The following POGLUT1 variants were observed in gnomAD, a reference collection of about 807,000 sequenced individuals.
The protein encoded by POGLUT1 is protein O-glucosyltransferase 1.
In POGLUT1, 32 loss-of-function variants were observed where a neutral mutation model predicts 61.3. That is an observed-to-expected ratio of 0.52 (90% CI 0.39 to 0.70). POGLUT1 has a LOEUF of 0.70. POGLUT1 is among the 30% of genes least tolerant of loss of function. The probability of loss-of-function intolerance (pLI) is 0.00; values close to 1 mark genes in which losing one functional copy is unlikely to be tolerated. For synonymous variants in POGLUT1, 158 were observed against 158.2 expected (o/e 1.00, Z 0.01); for missense variants, 411 against 469.8 (o/e 0.87, Z 1.16).
intron 2 of POGLUT1, among the ~76,000 whole-genome samples, chr3:119,470,653 G>A (rs1169936398): frequency 6.6e-6 from 1 of 152,160 alleles, no homozygotes; most frequent in Non-Finnish European, 1.5e-5. Flanking sequence ...CTTGGGTGTT[G>A]GTGCCGGTAC....
chr3:119,478,239 T>C (rs1263872267), intron 4 of POGLUT1: 4 of 412,446 alleles, frequency 9.7e-6, no homozygotes, highest in Non-Finnish European at 1.9e-5. Flanking sequence ...CCCATGAAAT[T>C]TGGGAAAAGG....
In POGLUT1 at chr3:119,492,495, T is replaced by C. The variant is rs897785879; in HGVS notation, c.*57T>C. ...GCAACAGATCTCAGATATCCTACGGTGAGAAGCTTACCATAAGCTTGGCAC... is the reference window on the plus strand; with the variant it reads ...GCAACAGATCTCAGATATCCTACGGCGAGAAGCTTACCATAAGCTTGGCAC... On this transcript the variant is annotated 3_prime_UTR_variant, in exon 11 of 11. Transcript: ENST00000295588. 4.1e-6 allele frequency: 5 copies of C among 1,216,570 alleles called. No homozygotes were observed. The African/African-American group carries it at 7.6e-5, about 19-fold the overall frequency. 75.4% of individuals were successfully genotyped at this position (1,216,570 alleles called of 1,614,324 possible). A position where few individuals can be genotyped will look rare whatever the true frequency, so the allele number is the denominator to read the frequency against.
At chr3:119,486,157 T>C (rs1196693436) in intron 6 of POGLUT1, among the ~76,000 whole-genome samples, 1 of 152,228 alleles carries the variant, frequency 6.6e-6, no homozygotes, top group African/African-American at 2.4e-5. Flanking sequence ...TCTTAAATCT[T>C]GAAGTCACAA....
intron 1 of POGLUT1, chr3:119,469,374 C>T (rs549064534): frequency 1.7e-6 from 1 of 575,606 alleles, no homozygotes. Flanking sequence ...AGGCGTGGCC[C>T]GTGCTTGGCT....
chr3:119,469,767 C>A, intron 1 of POGLUT1, 53 bp from the exon 2 acceptor site: 1 of 908,032 alleles, frequency 1.1e-6, no homozygotes, highest in African/African-American at 1.6e-5. Context: ...GTGGTGTCAG[C>A]AAATAACATT....
In POGLUT1 at chr3:119,490,614, C is replaced by T; in HGVS notation, c.861C>T (p.Gly287=). The change falls in exon 9 of 11, where the codon GGC becomes GGT. Residue 287 remains glycine (G), a synonymous_variant. Transcript: ENST00000295588. ...GGTTTAAACACCTCTTCCTGTGTGG[C>T]TCACTTGTTTTCCATGTTGGTGATG... is the stretch of plus-strand genomic sequence containing the variant. ...SFRFKHLFLC[G]SLVFHVGDEW... is the part of the protein sequence containing the mutation. The T allele has an allele frequency of 1.2e-6, 2 of 1,614,062 alleles. No homozygotes were observed. Among genetic ancestry groups the T allele is most frequent in the Non-Finnish European group, 1.7e-6 (2 of 1,179,928 alleles).
At chr3:119,479,396 G>A (rs971867604) in intron 4 of POGLUT1, among the ~76,000 whole-genome samples, 2 of 152,184 alleles carry the variant, frequency 1.3e-5, no homozygotes, top group Admixed American at 6.5e-5. Flanking sequence ...TATGTACAAT[G>A]TGCCAGCTAC....
At chr3:119,477,507 G>A in intron 4 of POGLUT1, 59 bp downstream of exon 4, 3 of 1,527,844 alleles carry the variant, frequency 2.0e-6, no homozygotes, top group South Asian at 2.3e-5. Flanking sequence ...ATATGAGCAT[G>A]AGATCTTTGT....
chr3:119,472,187 T>G lies in POGLUT1; in HGVS notation c.320+735T>G, dbSNP rs550764404. 7.1e-4 allele frequency among the ~76,000 whole-genome samples: 108 copies of G among 151,494 alleles called. 2 individuals are homozygous for G. In the South Asian group the frequency reaches 0.021, roughly 30 times the overall value. On this transcript the variant is annotated intron_variant, in intron 3 of 10. Transcript: ENST00000295588. ...CATTGCACACACCAAAAGATAAACT[T>G]TATTTTTGGAGTTTGTTTTTTTTTT...
At chr3:119,479,880 A>G (rs2081585649) in intron 4 of POGLUT1, 171 bp from the exon 5 acceptor site, 1 of 1,487,648 alleles carries the variant, frequency 6.7e-7, no homozygotes, top group Admixed American at 2.0e-5. Context: ...TTTAATCCAT[A>G]GTCACTTTTG....
In POGLUT1 at chr3:119,490,650, ATTC is replaced by A. The variant is rs755158239; in HGVS notation, c.902_904del (p.Phe301del). On this transcript the variant is annotated inframe_deletion, in exon 9 of 11. Transcript: ENST00000295588. The stretch of plus-strand genomic sequence containing the variant: ...TCCATGTTGGTGATGAGTGGCTAGA[ATTC>A]TTCTATCCACAGCTGAAGCCATGGG... The A allele has an allele frequency of 3.1e-6, 5 of 1,613,974 alleles. No homozygotes were observed. The African/African-American group carries it at 5.3e-5, about 17-fold the overall frequency.
chr3:119,480,946 C>T (rs888841555), intron 5 of POGLUT1, among the ~76,000 whole-genome samples: 1 of 151,484 alleles, frequency 6.6e-6, no homozygotes, highest in African/African-American at 2.4e-5. Flanking sequence ...TGCCATGTTG[C>T]CCAGGCTGGT....
chr3:119,469,524 A>T (rs1342049207), intron 1 of POGLUT1, among the ~76,000 whole-genome samples: 2 of 152,170 alleles, frequency 1.3e-5, no homozygotes, highest in African/African-American at 2.4e-5. Flanking sequence ...TGTGGAGTTC[A>T]ATTTGATTAG....
chr3:119,472,773 A>G (rs1402388131), intron 3 of POGLUT1, among the ~76,000 whole-genome samples: 5 of 152,064 alleles, frequency 3.3e-5, no homozygotes, highest in Non-Finnish European at 7.4e-5. Flanking sequence ...GCTTGTGCCT[A>G]TAATCCCAGC....
intron 5 of POGLUT1, among the ~76,000 whole-genome samples, chr3:119,481,656 A>G (rs2081606920): frequency 6.6e-6 from 1 of 152,230 alleles, no homozygotes; most frequent in African/African-American, 2.4e-5. Flanking sequence ...ACTTAGTCTC[A>G]TATTTTACAG....
chr3:119,492,128 A>G (rs1036475473), intron 10 of POGLUT1, among the ~76,000 whole-genome samples, 154 bp from the exon 11 acceptor site: 3 of 152,238 alleles, frequency 2.0e-5, no homozygotes, highest in Non-Finnish European at 4.4e-5. Flanking sequence ...ATGTATGTGG[A>G]TATGATTGCC....
intron 3 of POGLUT1, among the ~76,000 whole-genome samples, chr3:119,476,028 C>T (rs1298118704): frequency 6.6e-6 from 1 of 151,218 alleles, no homozygotes; most frequent in African/African-American, 2.4e-5. Context: ...TGTTGGCACA[C>T]ACCTGTAGTC....
Position 119,480,096 on chromosome 3 carries a change from G to A in POGLUT1, c.502G>A (p.Glu168Lys), listed in dbSNP as rs2081588390. 6.2e-7 allele frequency: 1 copy of A among 1,613,280 alleles called. No individual in the cohort carries two copies. The highest frequency in any genetic ancestry group is 8.5e-7 in the Non-Finnish European group (1 of 1,179,644). ...CATGTATCCTGCTTGGACATTTTGG[G>A]AAGGGGGACCTGCTGTTTGGCCAAT... Reference protein sequence around the residue: ...DIMYPAWTFWEGGPAVWPIYP... With the variant: ...DIMYPAWTFWKGGPAVWPIYP... The change falls in exon 5 of 11, where the codon GAA (glutamate) becomes AAA (lysine). Residue 168 changes from glutamate (E) to lysine (K), a missense_variant. By Grantham distance (56) the Glu-to-Lys change is moderately conservative. Coordinates refer to ENST00000295588, the MANE Select transcript of POGLUT1 (RefSeq NM_152305.3).
chr3:119,490,358 T>C, intron 8 of POGLUT1, 193 bp from the exon 9 acceptor site: 1 of 582,062 alleles, frequency 1.7e-6, no homozygotes, highest in Non-Finnish European at 3.1e-6. Context: ...GAACAACCTG[T>C]AGTCCTAGCC....
Sources: allele counts gnomAD v4.1 joint callset (sites outside exome capture counted in the v4.1 genomes callset), GRCh38; gene constraint gnomAD v4.1.1; transcripts MANE v1.5; gene names NCBI Gene and HGNC (gene_info 2026-07-23, HGNC 2026-07-21).